The following GAB2 variants were observed in gnomAD, a reference collection of about 807,000 sequenced individuals.
GAB2 encodes the protein GRB2 associated binding protein 2.
Under a neutral mutation model 65.5 loss-of-function variants are expected in GAB2, and 26 were observed. The ratio of observed to expected loss-of-function variants is 0.40; its 90% CI spans 0.29 to 0.55. The LOEUF is 0.55. GAB2 is among the 20% of genes least tolerant of loss of function. GAB2 has a pLI of 0.53. For missense variants in GAB2, 884 were observed against 875.8 expected (o/e 1.01, Z -0.12); for synonymous variants, 321 against 329.6 (o/e 0.97, Z 0.28).
chr11:78,242,298 C>G (rs1046770987), intron 3 of GAB2, among the ~76,000 whole-genome samples: 3 of 151,996 alleles, frequency 2.0e-5, no homozygotes, highest in Admixed American at 6.5e-5. Context: ...GTCAGGAGAT[C>G]GAGACCAACC....
At chr11:78,357,271 T>C (rs1412409323) in intron 1 of GAB2, among the ~76,000 whole-genome samples, 1 of 152,162 alleles carries the variant, frequency 6.6e-6, no homozygotes, top group Admixed American at 6.5e-5. Context: ...CTAGTGACAA[T>C]TGTGATGACT....
At chr11:78,242,668 A>G (rs1159203274) in intron 3 of GAB2, among the ~76,000 whole-genome samples, 2 of 152,218 alleles carry the variant, frequency 1.3e-5, no homozygotes, top group Non-Finnish European at 2.9e-5. Context: ...TCAAATAAAC[A>G]TCCTAATGAT....
intron 1 of GAB2, among the ~76,000 whole-genome samples, chr11:78,394,439 G>C (rs973140086): frequency 2.0e-5 from 3 of 152,190 alleles, no homozygotes; most frequent in African/African-American, 4.8e-5. Context: ...ACTATAATGT[G>C]CTGTATTTTG....
At chr11:78,263,516 C>G (rs1865791323) in intron 2 of GAB2, among the ~76,000 whole-genome samples, 2 of 151,790 alleles carry the variant, frequency 1.3e-5, no homozygotes, top group South Asian at 2.1e-4. Context: ...GCCTGTAGTT[C>G]CAGCTAGTAG....
intron 1 of GAB2, among the ~76,000 whole-genome samples, chr11:78,293,273 G>A (rs1229505515): frequency 6.6e-6 from 1 of 152,098 alleles, no homozygotes; most frequent in African/African-American, 2.4e-5. Context: ...TTTGCTCCTC[G>A]GGCACAGAAT....
At position 78,304,097 on chromosome 11, in the gene GAB2, TC is replaced by T. The variant is rs771518860; in HGVS notation, c.76-23197del. On this transcript the variant is annotated intron_variant, in intron 1 of 9. Transcript: ENST00000361507. ...ATAGGGCTCTTCAGATTTTTTGCTT[TC>T]TTCTTGTGTCAGTTTTGATATGTGT... Among the ~76,000 whole-genome samples the T allele has an allele frequency of 7.2e-5, 11 of 152,202 alleles. No homozygotes were observed. The South Asian group carries it at 1.9e-3, about 26-fold the overall frequency.
At chr11:78,366,703 T>C (rs942763071) in intron 1 of GAB2, among the ~76,000 whole-genome samples, 5 of 148,196 alleles carry the variant, frequency 3.4e-5, no homozygotes, top group Non-Finnish European at 4.5e-5. Context: ...TCAAAAACCT[T>C]CTATATTCAC....
chr11:78,281,019 T>C (rs1866320125), intron 1 of GAB2, 118 bp from the exon 2 acceptor site: 2 of 774,846 alleles, frequency 2.6e-6, no homozygotes, highest in Non-Finnish European at 4.2e-6. Flanking sequence ...AGTGGCACAA[T>C]CAAAGCTCAC....
At chr11:78,291,358 C>G (rs572376168) in intron 1 of GAB2, among the ~76,000 whole-genome samples, 10 of 148,886 alleles carry the variant, frequency 6.7e-5, no homozygotes, top group Admixed American at 1.3e-4. Flanking sequence ...CCCAGCTACT[C>G]GGGAGGCTGA....
intron 1 of GAB2, among the ~76,000 whole-genome samples, chr11:78,308,621 G>A (rs1439562372): frequency 1.3e-5 from 2 of 152,256 alleles, no homozygotes; most frequent in East Asian, 1.9e-4. Context: ...AGAAGGAAGC[G>A]AGTATAAAAA....
chr11:78,417,585 G>A, intron 1 of GAB2, 61 bp downstream of exon 1: 2 of 681,940 alleles, frequency 2.9e-6, no homozygotes, highest in Non-Finnish European at 3.8e-6. Context: ...GGAGTCCCCC[G>A]CCCCTCCGCA....
chr11:78,413,014 GT>G (rs1307988192), intron 1 of GAB2, among the ~76,000 whole-genome samples: 1 of 152,208 alleles, frequency 6.6e-6, no homozygotes, highest in Non-Finnish European at 1.5e-5. Flanking sequence ...TGATGCCCAA[GT>G]TTCTCATCTG....
At chr11:78,399,027 C>A (rs1419853775) in intron 1 of GAB2, among the ~76,000 whole-genome samples, 1 of 152,142 alleles carries the variant, frequency 6.6e-6, no homozygotes, top group Admixed American at 6.5e-5. Flanking sequence ...TATAATGATA[C>A]TAAAAAATAC....
At chr11:78,399,238 A>C (rs1565185132) in intron 1 of GAB2, among the ~76,000 whole-genome samples, 1 of 152,232 alleles carries the variant, frequency 6.6e-6, no homozygotes, top group Non-Finnish European at 1.5e-5. Context: ...AGTCTCAAGC[A>C]AAGGGCTCAT....
rs111571670 is a variant in GAB2 at position 78,403,728 on chromosome 11, C to T, written c.75+13918G>A. Among the ~76,000 whole-genome samples, 510 of 152,202 alleles carry T rather than the reference C, an allele frequency of 3.4e-3. 1 individual carries two copies. The highest frequency in any genetic ancestry group is 0.011 in the African/African-American group (467 of 41,538). On this transcript the variant is annotated intron_variant, in intron 1 of 9. Coordinates refer to ENST00000361507, the MANE Select transcript of GAB2 (RefSeq NM_080491.3). ...AAAGCACAAGCAACCAAAGCAAAAA[C>T]GGACAGAAGGGATCACATCAAGCTT...
intron 2 of GAB2, among the ~76,000 whole-genome samples, chr11:78,278,752 G>A (rs548106937): frequency 3.4e-5 from 5 of 145,622 alleles, no homozygotes; most frequent in Admixed American, 1.4e-4. Context: ...ACAGGGTCTC[G>A]TTCTGTCATC....
intron 3 of GAB2, among the ~76,000 whole-genome samples, chr11:78,245,211 A>AAAG (rs1186207024): frequency 2.0e-5 from 3 of 152,186 alleles, no homozygotes; most frequent in Non-Finnish European, 4.4e-5. Context: ...GGTAAGATGA[A>AAAG]AAGATTTCTG....
chr11:78,240,333 C>T (rs894923560), intron 3 of GAB2, among the ~76,000 whole-genome samples: 1 of 151,992 alleles, frequency 6.6e-6, no homozygotes, highest in African/African-American at 2.4e-5. Context: ...GGAATGGGTG[C>T]CCTAGCTGAG....
At chr11:78,344,520 C>A (rs1386200910) in intron 1 of GAB2, among the ~76,000 whole-genome samples, 1 of 152,184 alleles carries the variant, frequency 6.6e-6, no homozygotes, top group African/African-American at 2.4e-5. Flanking sequence ...GGCTTAATAT[C>A]ATCAAACTTT....
Sources: allele counts gnomAD v4.1 joint callset (sites outside exome capture counted in the v4.1 genomes callset), GRCh38; gene constraint gnomAD v4.1.1; transcripts MANE v1.5; gene names NCBI Gene and HGNC (gene_info 2026-07-23, HGNC 2026-07-21).